SPAG16: variants seen among roughly 807,000 people sequenced by gnomAD.
SPAG16 encodes the protein sperm-associated antigen 16 protein.
A neutral mutation model predicts 80.4 loss-of-function variants in SPAG16; 86 were observed. The ratio of observed to expected loss-of-function variants is 1.07; its 90% CI spans 0.90 to 1.28. The LOEUF (loss-of-function observed/expected upper bound fraction) is 1.28. Ranked by LOEUF, SPAG16 falls within the 50% of genes most tolerant of loss-of-function variation. SPAG16 has a pLI of 0.00. For synonymous variants in SPAG16, 294 were observed against 265.9 expected, an observed-to-expected ratio of 1.11 and a Z score of -1.03; for missense variants, 870 against 765.3, an observed-to-expected ratio of 1.14 and a Z score of -1.61.
intron 15 of SPAG16, among the ~76,000 whole-genome samples, chr2:214,345,571 T>C (rs1697999259): frequency 6.6e-6 from 1 of 152,132 alleles, no homozygotes. Flanking sequence ...GCATCAAAAA[T>C]GTTGAAACCC....
intron 15 of SPAG16, among the ~76,000 whole-genome samples, chr2:214,250,753 T>TAGAGAGAGAGAGAG (rs747802708): frequency 8.7e-4 from 87 of 99,452 alleles, no homozygotes; most frequent in Non-Finnish European, 1.5e-3. Context: ...TATATATATA[T>TAGAGAGAGAGAGAG]ATATAGAGAG....
chr2:213,868,554 C>A (rs2075800208), intron 11 of SPAG16, among the ~76,000 whole-genome samples: 1 of 152,138 alleles, frequency 6.6e-6, no homozygotes, highest in African/African-American at 2.4e-5. Context: ...CAGACGACTG[C>A]TTCATAATAG....
intron 15 of SPAG16, among the ~76,000 whole-genome samples, chr2:214,351,197 C>A (rs1296580960): frequency 6.6e-6 from 1 of 152,034 alleles, no homozygotes; most frequent in African/African-American, 2.4e-5. Flanking sequence ...ATGCAGAAAG[C>A]AAATTTGAAA....
chr2:213,972,457 T>G (rs1469369001), intron 12 of SPAG16, among the ~76,000 whole-genome samples: 2 of 152,146 alleles, frequency 1.3e-5, no homozygotes, highest in African/African-American at 2.4e-5. Context: ...GGTGCACTGA[T>G]ACCTGATGCA....
In SPAG16 at chr2:213,962,330, C is replaced by CA. The variant is rs1553682002; in HGVS notation, c.1400+32185_1400+32186insA. On this transcript the variant is annotated intron_variant, in intron 12 of 15. Transcript: ENST00000331683. The stretch of plus-strand genomic sequence containing the variant: ...GCCTCAGCCTCCTGAGTAGCTGGGA[C>CA]TACAGGCGCCCGCCACCAAGCCCGG... Among the ~76,000 whole-genome samples, 23 of 151,328 alleles carry CA rather than the reference C, an allele frequency of 1.5e-4. No individual in the cohort carries two copies. In the East Asian group the frequency reaches 4.3e-3, roughly 28 times the overall value.
intron 15 of SPAG16, among the ~76,000 whole-genome samples, chr2:214,213,681 A>G (rs991809768): frequency 6.6e-6 from 1 of 152,208 alleles, no homozygotes; most frequent in African/African-American, 2.4e-5. Context: ...CCTGGAATGT[A>G]TGTGCTCAGA....
chr2:213,401,713 TTAAG>T (rs2068318722), intron 9 of SPAG16, among the ~76,000 whole-genome samples: 1 of 152,196 alleles, frequency 6.6e-6, no homozygotes, highest in Non-Finnish European at 1.5e-5. Flanking sequence ...TTATATTTAT[TTAAG>T]TGTTTTCCAC....
intron 15 of SPAG16, among the ~76,000 whole-genome samples, chr2:214,167,289 T>A (rs544469585): frequency 3.9e-5 from 6 of 152,208 alleles, no homozygotes; most frequent in Middle Eastern, 6.8e-3. Flanking sequence ...GAAAAACTTG[T>A]CATCTAGTCA....
chr2:213,342,928 C>A (rs537951584), intron 6 of SPAG16, among the ~76,000 whole-genome samples: 3 of 151,880 alleles, frequency 2.0e-5, no homozygotes, highest in African/African-American at 7.2e-5. Context: ...ATAACCCAAG[C>A]AGAGCATGGT....
intron 10 of SPAG16, among the ~76,000 whole-genome samples, chr2:213,580,131 G>C (rs1351838039): frequency 6.6e-6 from 1 of 151,720 alleles, no homozygotes; most frequent in East Asian, 1.9e-4. Context: ...TTATTCCAGA[G>C]GTGCTTACCC....
At chr2:213,613,140 A>G (rs1454262740) in intron 10 of SPAG16, among the ~76,000 whole-genome samples, 1 of 152,096 alleles carries the variant, frequency 6.6e-6, no homozygotes, top group African/African-American at 2.4e-5. Flanking sequence ...CTATTATTCC[A>G]TATCACCTAG....
intron 10 of SPAG16, among the ~76,000 whole-genome samples, chr2:213,654,716 CA>C (rs60852712): frequency 0.029 from 3,858 of 132,610 alleles, 68 homozygotes; most frequent in African/African-American, 0.05. Flanking sequence ...GACTCCATCT[CA>C]AAAAAAAAAA....
At chr2:213,488,815 G>A (rs1340359609) in intron 9 of SPAG16, among the ~76,000 whole-genome samples, 2 of 148,094 alleles carry the variant, frequency 1.4e-5, no homozygotes, top group East Asian at 1.9e-4. Context: ...CGGTGCTCAC[G>A]TCTGTAATCC....
chr2:213,327,389 A>C (rs957095905), intron 5 of SPAG16, among the ~76,000 whole-genome samples: 8 of 152,104 alleles, frequency 5.3e-5, no homozygotes, highest in Non-Finnish European at 1.2e-4. Context: ...GCAAACAGAA[A>C]GAAAGTCCCT....
chr2:213,288,879 G>T (rs868013745), intron 1 of SPAG16, among the ~76,000 whole-genome samples: 1 of 152,034 alleles, frequency 6.6e-6, no homozygotes, highest in African/African-American at 2.4e-5. Context: ...TGGGTTCTTA[G>T]ATATTAGAAC....
chr2:213,857,174 G>A, intron 10 of SPAG16, among the ~76,000 whole-genome samples: 1 of 152,164 alleles, frequency 6.6e-6, no homozygotes, highest in Non-Finnish European at 1.5e-5. Context: ...AGGTTGCAGT[G>A]AGCCGAGATC....
intron 13 of SPAG16, among the ~76,000 whole-genome samples, chr2:214,047,693 G>A (rs1037063870): frequency 1.3e-5 from 2 of 152,050 alleles, no homozygotes; most frequent in African/African-American, 2.4e-5. Context: ...TGGATAAACA[G>A]GAACACATCA....
intron 15 of SPAG16, among the ~76,000 whole-genome samples, chr2:214,351,535 A>AC (rs1287026780): frequency 1.5e-5 from 1 of 68,744 alleles, no homozygotes; most frequent in Non-Finnish European, 5.5e-5. Flanking sequence ...CCCCGTTTCT[A>AC]CTAAAAAAAT....
intron 13 of SPAG16, among the ~76,000 whole-genome samples, chr2:214,019,745 G>A (rs2047764847): frequency 6.6e-6 from 1 of 152,024 alleles, no homozygotes; most frequent in Admixed American, 6.6e-5. Flanking sequence ...GAAACAAAGG[G>A]AAGCTTGTAC....
Sources: allele counts gnomAD v4.1 joint callset (sites outside exome capture counted in the v4.1 genomes callset), GRCh38; gene constraint gnomAD v4.1.1; transcripts MANE v1.5; gene names NCBI Gene and HGNC (gene_info 2026-07-23, HGNC 2026-07-21).